PARL: variants seen among roughly 807,000 people sequenced by gnomAD.
The protein encoded by PARL is presenilin associated rhomboid like.
A neutral mutation model predicts 51.6 loss-of-function variants in PARL; 44 were observed. The ratio of observed to expected loss-of-function variants is 0.85; its 90% CI spans 0.67 to 1.10. PARL has a LOEUF of 1.10. Among genes scored for constraint, PARL ranks in the 50% least tolerant of loss-of-function variants. The pLI, the probability that PARL is intolerant of heterozygous loss-of-function variation, is 0.00. For missense variants in PARL, 441 were observed against 469.5 expected (o/e 0.94, Z 0.56); for synonymous variants, 172 against 164.0 (o/e 1.05, Z -0.37).
chr3:183,844,513 G>A, intron 4 of PARL, 187 bp from the exon 5 acceptor site: 1 of 548,578 alleles, frequency 1.8e-6, no homozygotes, highest in Non-Finnish European at 3.3e-6. Flanking sequence ...CCTAGGGTTG[G>A]TAAAGTCACA....
At chr3:183,853,693 C>A (rs1730810846) in intron 4 of PARL, among the ~76,000 whole-genome samples, 1 of 152,102 alleles carries the variant, frequency 6.6e-6, no homozygotes, top group Non-Finnish European at 1.5e-5. Context: ...TCACTAATCA[C>A]CAGAAAAAGC....
chr3:183,827,015 G>T (rs1054778911), downstream of PARL, among the ~76,000 whole-genome samples: 2 of 152,184 alleles, frequency 1.3e-5, no homozygotes, highest in Non-Finnish European at 2.9e-5. Flanking sequence ...GCATGAGAGG[G>T]AGGCAGGCTG....
intron 7 of PARL, 120 bp downstream of exon 7, chr3:183,840,450 A>T (rs1448669038): frequency 3.5e-6 from 2 of 572,378 alleles, no homozygotes; most frequent in African/African-American, 3.8e-5. Flanking sequence ...GTTAGTTAAC[A>T]GTAGGGTGAA....
At chr3:183,837,265 G>A (rs1011314125) in intron 7 of PARL, among the ~76,000 whole-genome samples, 8 of 151,914 alleles carry the variant, frequency 5.3e-5, no homozygotes, top group Non-Finnish European at 1.0e-4. Context: ...TCAATGTTGT[G>A]GTGGTGAGTT....
chr3:183,863,384 T>TG (rs1270735682), intron 3 of PARL, among the ~76,000 whole-genome samples: 1 of 151,730 alleles, frequency 6.6e-6, no homozygotes, highest in Non-Finnish European at 1.5e-5. Context: ...GGGAAATAGA[T>TG]GAAAAAAAAA....
rs187583711 is a variant in PARL, at chr3:183,865,214, G to A, written c.462+1411C>T. ...TCCCAGCTACTCAGGAGACTGAGGC[G>A]GGAGGACTGCTCAAACCCAGGAGTT... On this transcript the variant is annotated intron_variant, in intron 3 of 9. Coordinates refer to ENST00000317096, the MANE Select transcript of PARL (RefSeq NM_018622.7). Among the ~76,000 whole-genome samples, 13 of 152,184 alleles carry A rather than the reference G, an allele frequency of 8.5e-5. No individual in the cohort carries two copies. In the East Asian group the frequency reaches 1.5e-3, roughly 18 times the overall value.
At chr3:183,876,057 A>C (rs1311660585) in intron 1 of PARL, among the ~76,000 whole-genome samples, 1 of 151,986 alleles carries the variant, frequency 6.6e-6, no homozygotes, top group Non-Finnish European at 1.5e-5. Flanking sequence ...GTTTATTTTT[A>C]CTTTTTGAGA....
chr3:183,834,547 G>C (rs1728327140), intron 7 of PARL, among the ~76,000 whole-genome samples: 1 of 152,178 alleles, frequency 6.6e-6, no homozygotes, highest in Non-Finnish European at 1.5e-5. Flanking sequence ...TTTATCTTTA[G>C]TAGAAGTAGG....
chr3:183,859,497 C>A (rs544291011), intron 4 of PARL, among the ~76,000 whole-genome samples: 22 of 152,050 alleles, frequency 1.4e-4, no homozygotes, highest in African/African-American at 5.3e-4. Context: ...ACCACCACGT[C>A]CAGCTAATTT....
intron 2 of PARL, 44 bp downstream of exon 2, chr3:183,867,821 C>T: frequency 1.4e-6 from 2 of 1,406,426 alleles, no homozygotes; most frequent in South Asian, 2.3e-5. Flanking sequence ...TTTAACACTG[C>T]ATTTCTAGCA....
chr3:183,827,351 G>C (rs1727492401), downstream of PARL, among the ~76,000 whole-genome samples: 1 of 152,004 alleles, frequency 6.6e-6, no homozygotes, highest in Non-Finnish European at 1.5e-5. Context: ...CTACTTGGAG[G>C]CTGAGGCTTG....
At position 183,875,310 on chromosome 3, in the gene PARL, G is replaced by C. The variant is rs372260821; in HGVS notation, c.126-7250C>G. ...GGCGACTGTAATCCCAGCCACTGGG[G>C]AGGTTGAGGCAGGAGAATCGCTTGA... is the stretch of plus-strand genomic sequence containing the variant. On this transcript the variant is annotated intron_variant, in intron 1 of 9. Transcript: ENST00000317096. 3.3e-4 allele frequency among the ~76,000 whole-genome samples: 50 copies of C among 151,052 alleles called. No individual in the cohort carries two copies. In the East Asian group the frequency reaches 7.7e-3, roughly 23 times the overall value.
Position 183,878,699 on chromosome 3 carries a change from T to C in PARL, c.125+6023A>G, listed in dbSNP as rs144769126. Among the ~76,000 whole-genome samples the C allele has an allele frequency of 8.9e-4, 136 of 152,286 alleles. 1 individual carries two copies. The highest frequency in any genetic ancestry group is 2.9e-3 in the African/African-American group (121 of 41,552). ...AACTTTAGTTTACATACAAATCACC[T>C]GGAAATCTCATTAAAAACATTGTAA... On this transcript the variant is annotated intron_variant, in intron 1 of 9. Transcript: ENST00000317096.
chr3:183,837,510 A>G (rs2108596474), intron 7 of PARL, among the ~76,000 whole-genome samples: 1 of 152,316 alleles, frequency 6.6e-6, no homozygotes, highest in South Asian at 2.1e-4. Flanking sequence ...CCTCCTAGCC[A>G]CAGCGACATT....
Position 183,884,759 on chromosome 3 carries a change from T to C in PARL, c.88A>G (p.Thr30Ala). The part of the protein sequence containing the change: ...SVGGRSCEEL[T>A]AVLTPPQLLG... ...AGCTGCGGCGGGGTTAGGACCGCAG[T>C]GAGCTCCTCGCAGCTGCGGCCGCCC... Residue 30 changes from threonine (T) to alanine (A), a missense_variant, in exon 1 of 10, where the codon ACT becomes GCT. Thr to Ala is a moderately conservative substitution (Grantham distance 58). Transcript: ENST00000317096. 1 of 1,580,514 alleles carries C rather than the reference T, an allele frequency of 6.3e-7. No individual in the cohort carries two copies.
downstream of PARL, among the ~76,000 whole-genome samples, chr3:183,827,721 G>A (rs1027272783): frequency 6.6e-6 from 1 of 152,114 alleles, no homozygotes; most frequent in Non-Finnish European, 1.5e-5. Context: ...TCCTTAAGCC[G>A]AGTGCTATTT....
In PARL at chr3:183,833,534, A is replaced by G. The variant is rs1360572625; in HGVS notation, c.986T>C (p.Phe329Ser). Residue 329 changes from phenylalanine to serine, a missense_variant, in exon 9 of 10, where the codon TTT (phenylalanine) becomes TCT (serine). Physicochemically the swap from Phe to Ser is radical, Grantham distance 155. Transcript: ENST00000317096. ...CCCAAGATGTGCCGCATGATCAAAA[A>G]ATTTCCATCCCAGGATCATTCCTGC... The part of the protein sequence containing the change: ...DTAGMILGWK[F>S]FDHAAHLGGA... 2 of 1,613,992 alleles carry G rather than the reference A, an allele frequency of 1.2e-6. No individual in the cohort carries two copies. The highest frequency in any genetic ancestry group is 1.1e-5 in the South Asian group (1 of 91,074).
At chr3:183,840,693 C>A in intron 6 of PARL, 53 bp from the exon 7 acceptor site, 62 of 736,704 alleles carry the variant, frequency 8.4e-5, no homozygotes, top group Non-Finnish European at 1.3e-4. Flanking sequence ...AAATGGTTTA[C>A]TTTTTTTTTT....
chr3:183,880,495 G>A (rs947289343), intron 1 of PARL, among the ~76,000 whole-genome samples: 9 of 152,004 alleles, frequency 5.9e-5, no homozygotes, highest in Admixed American at 3.9e-4. Flanking sequence ...TCCGCTTCCC[G>A]GGTTCAGGCG....
Sources: gnomAD v4.1 joint callset for allele counts (sites outside exome capture counted in the v4.1 genomes callset) on GRCh38, gnomAD v4.1.1 for gene constraint, MANE v1.5 for transcripts, NCBI Gene and HGNC (gene_info 2026-07-23, HGNC 2026-07-21) for gene names.